SLC4A1: variants seen among roughly 807,000 people sequenced by gnomAD.
The protein encoded by SLC4A1 is solute carrier family 4 member 1 (Diego blood group).
A neutral mutation model predicts 93.1 loss-of-function variants in SLC4A1; 29 were observed. That is an observed-to-expected ratio of 0.31 (90% confidence interval 0.23 to 0.42). The LOEUF is 0.42. Ranked by LOEUF, SLC4A1 falls within the 20% of genes least tolerant of loss-of-function variation. SLC4A1 has a pLI of 1.00. For synonymous variants in SLC4A1, 469 were observed against 497.2 expected, an observed-to-expected ratio of 0.94 and a Z score of 0.76; for missense variants, 965 against 1,190.1, an observed-to-expected ratio of 0.81 and a Z score of 2.78.
intron 14 of SLC4A1, 105 bp from the exon 15 acceptor site, chr17:44,255,401 C>T: frequency 1.2e-6 from 1 of 857,768 alleles, no homozygotes; most frequent in Non-Finnish European, 1.9e-6. Flanking sequence ...TCCAGGGGAT[C>T]CATCAGCATC....
intron 13 of SLC4A1, among the ~76,000 whole-genome samples, chr17:44,256,492 C>T (rs1310986355): frequency 6.6e-6 from 1 of 152,236 alleles, no homozygotes; most frequent in Non-Finnish European, 1.5e-5. Context: ...GCTCACCCTT[C>T]TCCCATATAA....
At chr17:44,266,644 G>A (rs1434851027) in intron 1 of SLC4A1, among the ~76,000 whole-genome samples, 1 of 152,176 alleles carries the variant, frequency 6.6e-6, no homozygotes, top group Non-Finnish European at 1.5e-5. Context: ...GAGACTTACA[G>A]GGCGCACCCA....
chr17:44,254,579 C>T lies in SLC4A1; in HGVS notation c.1974G>A (p.Glu658=), dbSNP rs749883591. Reference sequence around the variant, plus strand: ...AGGCAAACATCATCCAGATGGGAAACTCGGAACGCAAGCCCAGTGGGTGGA... The same window carrying T: ...AGGCAAACATCATCCAGATGGGAAATTCGGAACGCAAGCCCAGTGGGTGGA... ...WVIHPLGLRS[E]FPIWMMFASA... The change falls in exon 16 of 20, where the codon GAG becomes GAA. Residue 658 remains glutamate, a synonymous_variant. Transcript: ENST00000262418. 6.2e-7 allele frequency: 1 copy of T among 1,613,746 alleles called. No individual in the cohort carries two copies. The highest frequency in any genetic ancestry group is 8.5e-7 in the Non-Finnish European group (1 of 1,179,832).
intron 1 of SLC4A1, among the ~76,000 whole-genome samples, chr17:44,266,672 C>T (rs758844678): frequency 1.4e-4 from 21 of 152,296 alleles, no homozygotes; most frequent in East Asian, 1.2e-3. Flanking sequence ...GATTGCCACC[C>T]GCCAGCCAGG....
At chr17:44,254,422 C>T in intron 16 of SLC4A1, 74 bp downstream of exon 16, 1 of 1,461,148 alleles carries the variant, frequency 6.8e-7, no homozygotes, top group Non-Finnish European at 9.5e-7. Context: ...GGGTCTCTTG[C>T]CTGCCTGGGA....
In SLC4A1 at chr17:44,258,138, T is replaced by C; in HGVS notation, c.1130A>G (p.Gln377Arg). 1 of 1,614,014 alleles carries C rather than the reference T, an allele frequency of 6.2e-7. No homozygotes were observed. Among genetic ancestry groups the C allele is most frequent in the Non-Finnish European group, 8.5e-7 (1 of 1,179,990 alleles). ...GPDDPLQQTGQLFGGLVRDIR... is the reference protein window; with the variant it reads ...GPDDPLQQTGRLFGGLVRDIR... ...ATCACGCACCAGGCCCCCGAAGAGC[T>C]GGCCTGTCTGCTGCAGAGGGTCATC... The change falls in exon 11 of 20, where the codon CAG becomes CGG. Residue 377 changes from glutamine to arginine, a missense_variant. Physicochemically the swap from Gln to Arg is conservative, Grantham distance 43. Coordinates refer to ENST00000262418, the MANE Select transcript of SLC4A1 (RefSeq NM_000342.4). The surrounding 1 kb of genome is among the most constrained non-coding windows in gnomAD (Gnocchi z 6.1).
At chr17:44,261,764 C>T in intron 3 of SLC4A1, 128 bp from the exon 4 acceptor site, 1 of 1,532,430 alleles carries the variant, frequency 6.5e-7, no homozygotes, top group Non-Finnish European at 8.9e-7. Flanking sequence ...TGGGCTGGGT[C>T]TCTGGTGCCG....
At position 44,258,284 on chromosome 17, in the gene SLC4A1, C is replaced by A; in HGVS notation, c.1088-104G>T. Reference sequence around the variant, plus strand: ...AGATTGTCTGATGGGAATGGGGCGGCGAAGAAGTCTGGAAGATGTGGGCAA... The same window carrying A: ...AGATTGTCTGATGGGAATGGGGCGGAGAAGAAGTCTGGAAGATGTGGGCAA... On this transcript the variant is annotated intron_variant, in intron 10 of 19. Coordinates refer to ENST00000262418, the MANE Select transcript of SLC4A1 (RefSeq NM_000342.4). The surrounding 1 kb of genome is among the most constrained non-coding windows in gnomAD (Gnocchi z 6.1). 1 of 1,424,398 alleles carries A rather than the reference C, an allele frequency of 7.0e-7. No homozygotes were observed. Among genetic ancestry groups the A allele is most frequent in the Non-Finnish European group, 9.9e-7 (1 of 1,011,304 alleles). The allele number at this position is 1,424,398 out of a possible 1,614,324, so 88.2% of individuals were successfully genotyped here.
chr17:44,253,207 A>C lies in SLC4A1; in HGVS notation c.2222T>G (p.Met741Arg). Residue 741 changes from methionine to arginine, a missense_variant, in exon 17 of 20, where the codon ATG becomes AGG. By Grantham distance (91) the Met-to-Arg change is moderately conservative. Transcript: ENST00000262418. ...SVTHANALTV[M>R]GKASTPGAAA... ...AGCCCCTGGGGTGCTGGCTTTGCCC[A>C]TGACAGTGAGGGCGTTGGCATGGGT... is the stretch of plus-strand genomic sequence containing the variant. 1 of 1,614,006 alleles carries C rather than the reference A, an allele frequency of 6.2e-7. No homozygotes were observed. The highest frequency in any genetic ancestry group is 1.1e-5 in the South Asian group (1 of 91,086).
intron 13 of SLC4A1, 41 bp downstream of exon 13, chr17:44,257,309 C>T (rs1598299302): frequency 6.3e-7 from 1 of 1,597,144 alleles, no homozygotes; most frequent in South Asian, 1.1e-5. Flanking sequence ...CAGTCTTATA[C>T]ACAACCTCCC....
intron 19 of SLC4A1, 99 bp downstream of exon 19, chr17:44,251,060 C>A (rs2047333904): frequency 7.4e-7 from 1 of 1,354,902 alleles, no homozygotes; most frequent in Admixed American, 2.0e-5. Flanking sequence ...AGCCCTAGCC[C>A]CAGACTTTAC....
At chr17:44,262,005 A>T in intron 3 of SLC4A1, 1 of 1,198,080 alleles carries the variant, frequency 8.3e-7, no homozygotes, top group Non-Finnish European at 1.1e-6. Context: ...CTCTGAGACC[A>T]GACTCCCTTC....
chr17:44,257,470 C>T lies in SLC4A1; in HGVS notation c.1506G>A (p.Val502=), dbSNP rs2047399322. The T allele has an allele frequency of 3.1e-6, 5 of 1,614,138 alleles. No individual in the cohort carries two copies. The highest frequency in any genetic ancestry group is 3.4e-6 in the Non-Finnish European group (4 of 1,180,024). ...WIGFWLILLV[V]LVVAFEGSFL... is the part of the protein sequence containing the mutation. ...AGCTACCCTCGAAGGCCACCACCAA[C>T]ACCACCAGCAGGATGAGCCAGAAGC... Residue 502 remains valine (V), a synonymous_variant, in exon 13 of 20, where the codon GTG becomes GTA. Coordinates refer to ENST00000262418, the MANE Select transcript of SLC4A1 (RefSeq NM_000342.4).
intron 14 of SLC4A1, 29 bp downstream of exon 14, chr17:44,255,644 G>T (rs2047382312): frequency 1.9e-6 from 3 of 1,610,850 alleles, no homozygotes; most frequent in Non-Finnish European, 2.5e-6. Flanking sequence ...GGCAGTGTTG[G>T]CAAGGACAGG....
At chr17:44,262,219 C>T (rs543760937) in intron 3 of SLC4A1, among the ~76,000 whole-genome samples, 2 of 152,222 alleles carry the variant, frequency 1.3e-5, no homozygotes, top group Admixed American at 6.5e-5. Context: ...CACCTAAGAC[C>T]TTGGACAGGC....
intron 2 of SLC4A1, 56 bp downstream of exon 2, chr17:44,262,796 G>A: frequency 6.2e-7 from 1 of 1,609,848 alleles, no homozygotes; most frequent in Non-Finnish European, 8.5e-7. Context: ...AGGAGTCTAG[G>A]ACCAGGTCCC....
intron 1 of SLC4A1, among the ~76,000 whole-genome samples, chr17:44,264,081 C>T (rs545597640): frequency 6.2e-4 from 95 of 152,270 alleles, no homozygotes; most frequent in African/African-American, 2.0e-3. Context: ...CAGCTCACAT[C>T]AGTCTCAAAC....
intron 4 of SLC4A1, 148 bp from the exon 5 acceptor site, chr17:44,260,963 T>A: frequency 1.1e-6 from 1 of 913,946 alleles, no homozygotes; most frequent in Non-Finnish European, 1.7e-6. Context: ...CTCCCTTATC[T>A]CCCAACTTCC....
Position 44,262,687 on chromosome 17 carries a change from C to T in SLC4A1, c.55G>A (p.Glu19Lys), listed in dbSNP as rs55926998. The T allele has an allele frequency of 3.1e-6, 5 of 1,614,114 alleles. No individual in the cohort carries two copies. Among genetic ancestry groups the T allele is most frequent in the East Asian group, 4.5e-5 (2 of 44,880 alleles). Residue 19 changes from glutamate to lysine, a missense_variant, in exon 3 of 20, where the codon GAG (glutamate) becomes AAG (lysine). Around this residue, in one of 2 missense-constraint regions of SLC4A1, gnomAD observed 195 missense variants for 183.5 expected, o/e 1.06. Transcript: ENST00000262418. ...GGGATGTCTGGGTCTTCATATTCCT[C>T]CTGCTCCAGATTCTCCTCCATCATG... ...EDMMEENLEQEEYEDPDIPES... is the reference protein window; with the variant it reads ...EDMMEENLEQKEYEDPDIPES...
Sources: gnomAD v4.1 joint callset for allele counts (sites outside exome capture counted in the v4.1 genomes callset) on GRCh38, gnomAD v4.1.1 for gene constraint, gnomAD v4.1.1 regional missense constraint, Gnocchi (gnomAD v3.1) non-coding constraint, MANE v1.5 for transcripts, NCBI Gene and HGNC (gene_info 2026-07-23, HGNC 2026-07-21) for gene names.